The following CLHC1 variants were observed in gnomAD, a reference collection of about 807,000 sequenced individuals.
CLHC1 encodes clathrin heavy chain linker domain-containing protein 1.
Under a neutral mutation model 69.5 loss-of-function variants are expected in CLHC1, and 72 were observed. The ratio of observed to expected loss-of-function variants is 1.04; its 90% CI spans 0.86 to 1.26. The LOEUF (loss-of-function observed/expected upper bound fraction) is 1.26. Among genes scored for constraint, CLHC1 ranks in the 50% most tolerant of loss-of-function variants. The pLI, the probability that CLHC1 is intolerant of heterozygous loss-of-function variation, is 0.00. For synonymous variants in CLHC1, 223 were observed against 224.3 expected (o/e 0.99, Z 0.05); for missense variants, 790 against 679.3 (o/e 1.16, Z -1.81).
chr2:55,196,219 A>G (rs1447854913), intron 9 of CLHC1, among the ~76,000 whole-genome samples: 1 of 152,188 alleles, frequency 6.6e-6, no homozygotes, highest in African/African-American at 2.4e-5. Flanking sequence ...CACAGGCTCA[A>G]GTGCTTTGGG....
At chr2:55,189,269 G>A (rs944450602) in intron 9 of CLHC1, among the ~76,000 whole-genome samples, 1 of 152,048 alleles carries the variant, frequency 6.6e-6, no homozygotes, top group Non-Finnish European at 1.5e-5. Flanking sequence ...AAGGAACAAA[G>A]AACTGATGAA....
chr2:55,215,747 C>G (rs149276815), intron 4 of CLHC1, among the ~76,000 whole-genome samples: 1 of 152,190 alleles, frequency 6.6e-6, no homozygotes, highest in African/African-American at 2.4e-5. Context: ...AAATTATGGT[C>G]ACTAGCTTTT....
chr2:55,220,869 A>G (rs1674043999), intron 3 of CLHC1, among the ~76,000 whole-genome samples: 1 of 152,230 alleles, frequency 6.6e-6, no homozygotes, highest in African/African-American at 2.4e-5. Flanking sequence ...TAAAACACCA[A>G]GAGCAATATC....
At chr2:55,177,495 T>C in intron 12 of CLHC1, 107 bp downstream of exon 12, 1 of 660,876 alleles carries the variant, frequency 1.5e-6, no homozygotes, top group East Asian at 2.7e-5. Context: ...TAACTCTTGC[T>C]AAGAAGGAAC....
At chr2:55,206,153 G>A in intron 9 of CLHC1, 117 bp downstream of exon 9, 1 of 618,370 alleles carries the variant, frequency 1.6e-6, no homozygotes, top group Non-Finnish European at 2.8e-6. Context: ...TGAGTAAATG[G>A]TAGAGATAGG....
At chr2:55,201,069 C>T (rs539630922) in intron 9 of CLHC1, among the ~76,000 whole-genome samples, 13 of 151,882 alleles carry the variant, frequency 8.6e-5, no homozygotes, top group African/African-American at 3.1e-4. Flanking sequence ...TAAGTGCTTA[C>T]ATCAAAAAAG....
Position 55,179,762 on chromosome 2 carries a change from G to A in CLHC1, c.1384+748C>T, listed in dbSNP as rs957600224. Reference sequence around the variant, plus strand: ...AGGTCCACAGTTCTCTCAGATTACCGTTCAATTGTAATCTCAGATTACTGT... The same window carrying A: ...AGGTCCACAGTTCTCTCAGATTACCATTCAATTGTAATCTCAGATTACTGT... On this transcript the variant is annotated intron_variant, in intron 11 of 12. Coordinates refer to ENST00000401408, the MANE Select transcript of CLHC1 (RefSeq NM_152385.4). 2.0e-4 allele frequency among the ~76,000 whole-genome samples: 30 copies of A among 152,018 alleles called. 1 individual carries two copies. Among genetic ancestry groups the A allele is most frequent in the Middle Eastern group, 3.2e-3 (1 of 316 alleles).
intron 3 of CLHC1, among the ~76,000 whole-genome samples, chr2:55,218,920 C>A (rs1419571256): frequency 2.0e-5 from 3 of 152,012 alleles, no homozygotes; most frequent in Admixed American, 6.6e-5. Flanking sequence ...CTCTGGTATC[C>A]CCCACTGGCT....
intron 8 of CLHC1, among the ~76,000 whole-genome samples, chr2:55,207,617 C>A (rs1394394164): frequency 6.6e-6 from 1 of 152,012 alleles, no homozygotes; most frequent in Non-Finnish European, 1.5e-5. Context: ...TACAGATAAG[C>A]GTCATAGCCT....
intron 11 of CLHC1, among the ~76,000 whole-genome samples, chr2:55,180,036 C>G (rs1250486927): frequency 6.6e-6 from 1 of 151,872 alleles, no homozygotes; most frequent in Admixed American, 6.6e-5. Context: ...CACCTGTAGT[C>G]CCAGCTACTT....
At chr2:55,231,143 G>A (rs375483160) in intron 1 of CLHC1, among the ~76,000 whole-genome samples, 5 of 151,994 alleles carry the variant, frequency 3.3e-5, no homozygotes, top group African/African-American at 2.4e-5. Flanking sequence ...CCAGCTACTC[G>A]GGAGGCTGAG....
At chr2:55,228,671 G>T (rs1674949895) in intron 1 of CLHC1, among the ~76,000 whole-genome samples, 1 of 152,190 alleles carries the variant, frequency 6.6e-6, no homozygotes, top group African/African-American at 2.4e-5. Flanking sequence ...GGAAACATTA[G>T]GGAAAACATC....
At chr2:55,221,059 T>C (rs1025461103) in intron 3 of CLHC1, among the ~76,000 whole-genome samples, 1 of 152,212 alleles carries the variant, frequency 6.6e-6, no homozygotes, top group Non-Finnish European at 1.5e-5. Context: ...GAACCTCACT[T>C]TCTCTTAGAG....
At chr2:55,199,176 A>T (rs1037713341) in intron 9 of CLHC1, among the ~76,000 whole-genome samples, 2 of 151,256 alleles carry the variant, frequency 1.3e-5, no homozygotes, top group Admixed American at 1.3e-4. Flanking sequence ...GTGCACCTGT[A>T]GTCCCATCTA....
chr2:55,175,101 T>C lies in CLHC1; in HGVS notation c.*689A>G, dbSNP rs1027923419. 1.3e-5 allele frequency: 2 copies of C among 152,196 alleles called. No individual in the cohort carries two copies. Among genetic ancestry groups the C allele is most frequent in the Non-Finnish European group, 2.9e-5 (2 of 68,036 alleles). 9.4% of individuals were successfully genotyped at this position (152,196 alleles called of 1,614,324 possible). On this transcript the variant is annotated 3_prime_UTR_variant, in exon 13 of 13. Coordinates refer to ENST00000401408, the MANE Select transcript of CLHC1 (RefSeq NM_152385.4). ...CCATGGCACAGAACTTTCAGAGTTT[T>C]CAATCAAATACTTATTCAGACACTT... is the stretch of plus-strand genomic sequence containing the variant.
At chr2:55,189,061 T>A (rs1011396540) in intron 9 of CLHC1, among the ~76,000 whole-genome samples, 8 of 152,108 alleles carry the variant, frequency 5.3e-5, no homozygotes, top group Non-Finnish European at 1.0e-4. Context: ...AAGGTGATGG[T>A]AAGGTTCATG....
At chr2:55,186,635 T>C (rs2103737918) in intron 9 of CLHC1, among the ~76,000 whole-genome samples, 1 of 151,860 alleles carries the variant, frequency 6.6e-6, no homozygotes. Flanking sequence ...ATGGTGGGTA[T>C]GCCTATACTC....
chr2:55,218,065 G>T, intron 3 of CLHC1, 67 bp from the exon 4 acceptor site: 1 of 769,912 alleles, frequency 1.3e-6, no homozygotes, highest in South Asian at 2.8e-5. Context: ...TGAAATTCTT[G>T]CAAATAACAT....
At chr2:55,231,731 C>T (rs1223518332) in intron 1 of CLHC1, among the ~76,000 whole-genome samples, 1 of 152,240 alleles carries the variant, frequency 6.6e-6, no homozygotes, top group African/African-American at 2.4e-5. Context: ...GCACCCCATA[C>T]ATACTCCAAA....
Sources: allele counts gnomAD v4.1 joint callset (sites outside exome capture counted in the v4.1 genomes callset), GRCh38; gene constraint gnomAD v4.1.1; transcripts MANE v1.5; gene names NCBI Gene and HGNC (gene_info 2026-07-23, HGNC 2026-07-21).